The following ITPR2 variants were observed in gnomAD, a reference collection of about 807,000 sequenced individuals.
ITPR2 encodes inositol 1,4,5-trisphosphate-gated calcium channel ITPR2.
Under a neutral mutation model 317.1 loss-of-function variants are expected in ITPR2, and 207 were observed. The observed-to-expected ratio is 0.65, with a 90% CI of 0.58 to 0.73. ITPR2 has a LOEUF of 0.73. ITPR2 is among the 30% of genes least tolerant of loss of function. The probability of loss-of-function intolerance (pLI) is 0.00; values close to 1 mark genes in which losing one functional copy is unlikely to be tolerated. For missense variants in ITPR2, 2,613 were observed against 3,284.0 expected (o/e 0.80, Z 4.99); for synonymous variants, 1,156 against 1,149.1 (o/e 1.01, Z -0.12).
intron 36 of ITPR2, among the ~76,000 whole-genome samples, chr12:26,551,127 G>T (rs764389219): frequency 2.6e-5 from 4 of 152,116 alleles, no homozygotes; most frequent in Non-Finnish European, 5.9e-5. Flanking sequence ...TTGTTAAAAA[G>T]CTGATCCTCA....
intron 45 of ITPR2, among the ~76,000 whole-genome samples, chr12:26,451,778 A>G (rs1382475223): frequency 6.6e-6 from 1 of 152,204 alleles, no homozygotes; most frequent in African/African-American, 2.4e-5. Context: ...ATGATTCATG[A>G]CAGCTCAACC....
intron 32 of ITPR2, among the ~76,000 whole-genome samples, chr12:26,588,269 G>A (rs1945589251): frequency 6.6e-6 from 1 of 152,134 alleles, no homozygotes; most frequent in Admixed American, 6.5e-5. Flanking sequence ...CAAAGTCTGA[G>A]CCTGGCACAC....
chr12:26,499,226 C>A (rs1014470086), intron 37 of ITPR2, among the ~76,000 whole-genome samples: 2 of 152,112 alleles, frequency 1.3e-5, no homozygotes, highest in African/African-American at 4.8e-5. Flanking sequence ...AAATTCTCTT[C>A]GGCAGATATA....
At chr12:26,420,271 G>A (rs186638801) in intron 49 of ITPR2, among the ~76,000 whole-genome samples, 9 of 152,214 alleles carry the variant, frequency 5.9e-5, no homozygotes, top group African/African-American at 1.4e-4. Flanking sequence ...TAATTGTTCC[G>A]AGTTCTTTAG....
At chr12:26,538,866 C>T (rs906871469) in intron 37 of ITPR2, among the ~76,000 whole-genome samples, 3 of 152,172 alleles carry the variant, frequency 2.0e-5, no homozygotes, top group African/African-American at 4.8e-5. Context: ...TGAGCCACTG[C>T]GCCCGGACAG....
intron 30 of ITPR2, 28 bp from the exon 31 acceptor site, chr12:26,597,162 A>G: frequency 6.2e-7 from 1 of 1,611,848 alleles, no homozygotes; most frequent in Non-Finnish European, 8.5e-7. Flanking sequence ...GAGTCTATGT[A>G]GCAGTCCGAA....
At chr12:26,396,871 T>C (rs1940015997) in intron 54 of ITPR2, among the ~76,000 whole-genome samples, 1 of 152,222 alleles carries the variant, frequency 6.6e-6, no homozygotes, top group African/African-American at 2.4e-5. Context: ...CACTTGGGCA[T>C]CCCAGCTATC....
intron 2 of ITPR2, among the ~76,000 whole-genome samples, chr12:26,771,499 G>A (rs1322154872): frequency 6.6e-6 from 1 of 152,054 alleles, no homozygotes; most frequent in Non-Finnish European, 1.5e-5. Context: ...GTTTTTTGTT[G>A]TTGTTATTAT....
At chr12:26,340,120 GT>G (rs1259284115) in intron 56 of ITPR2, 46 bp downstream of exon 56, 1 of 1,517,904 alleles carries the variant, frequency 6.6e-7, no homozygotes, top group Non-Finnish European at 8.8e-7. Flanking sequence ...ACCGGAAGTG[GT>G]GAATGACTTT....
chr12:26,771,415 A>G (rs1949841441), intron 2 of ITPR2, among the ~76,000 whole-genome samples: 1 of 152,190 alleles, frequency 6.6e-6, no homozygotes, highest in African/African-American at 2.4e-5. Flanking sequence ...ATGGTCCCGG[A>G]CCACTCACCT....
intron 37 of ITPR2, among the ~76,000 whole-genome samples, chr12:26,541,146 TA>T (rs3058665): frequency 0.091 from 9,975 of 110,016 alleles, 946 homozygotes; most frequent in East Asian, 0.46. Context: ...CATCTCTGCT[TA>T]AAAAAAAAAA....
intron 21 of ITPR2, among the ~76,000 whole-genome samples, chr12:26,642,949 C>T (rs1448434290): frequency 6.6e-6 from 1 of 152,040 alleles, no homozygotes; most frequent in Non-Finnish European, 1.5e-5. Context: ...GTGTTTGTGT[C>T]CCCCCGAAAT....
intron 46 of ITPR2, among the ~76,000 whole-genome samples, chr12:26,440,372 T>C (rs1001152175): frequency 7.2e-5 from 11 of 152,114 alleles, no homozygotes; most frequent in African/African-American, 2.7e-4. Context: ...TTTGCAACCA[T>C]GAGGTGAGAT....
chr12:26,637,555 C>G (rs1041439265), intron 21 of ITPR2, among the ~76,000 whole-genome samples: 1 of 151,872 alleles, frequency 6.6e-6, no homozygotes, highest in Non-Finnish European at 1.5e-5. Flanking sequence ...ATAGGTTGGG[C>G]CTTCTTGTAA....
chr12:26,426,985 A>C (rs1056800099), intron 49 of ITPR2, among the ~76,000 whole-genome samples: 7 of 151,894 alleles, frequency 4.6e-5, no homozygotes, highest in African/African-American at 1.7e-4. Context: ...ATAATTGTTC[A>C]CTCATTCATT....
chr12:26,596,013 G>T (rs1483185098), intron 31 of ITPR2, among the ~76,000 whole-genome samples: 1 of 152,036 alleles, frequency 6.6e-6, no homozygotes, highest in Non-Finnish European at 1.5e-5. Context: ...GAAGCCTATT[G>T]GCAGACAACC....
intron 32 of ITPR2, among the ~76,000 whole-genome samples, chr12:26,583,341 C>T (rs1945446849): frequency 6.6e-6 from 1 of 152,130 alleles, no homozygotes; most frequent in Non-Finnish European, 1.5e-5. Context: ...CTAATGACTG[C>T]ACATTTAGTA....
chr12:26,544,690 T>C (rs1192697025), intron 37 of ITPR2, among the ~76,000 whole-genome samples: 1 of 151,682 alleles, frequency 6.6e-6, no homozygotes, highest in African/African-American at 2.4e-5. Flanking sequence ...AAGTTGACAT[T>C]TTAAATTCAA....
chr12:26,805,305 G>T (rs1950621859), intron 1 of ITPR2, among the ~76,000 whole-genome samples: 2 of 152,116 alleles, frequency 1.3e-5, no homozygotes, highest in Admixed American at 1.3e-4. Context: ...AAAATTAACT[G>T]ATTTAATAAA....
Sources: allele counts gnomAD v4.1 joint callset (sites outside exome capture counted in the v4.1 genomes callset), GRCh38; gene constraint gnomAD v4.1.1; transcripts MANE v1.5; gene names NCBI Gene and HGNC (gene_info 2026-07-23, HGNC 2026-07-21).